The following SLC6A2 variants were observed in gnomAD, a reference collection of about 807,000 sequenced individuals.
The protein encoded by SLC6A2 is sodium-dependent noradrenaline transporter.
A neutral mutation model predicts 71.7 loss-of-function variants in SLC6A2; 26 were observed. The ratio of observed to expected loss-of-function variants is 0.36; its 90% CI spans 0.27 to 0.50. The LOEUF is 0.50. Among genes scored for constraint, SLC6A2 ranks in the 20% least tolerant of loss-of-function variants. The pLI is 0.96. For missense variants in SLC6A2, 581 were observed against 803.9 expected (o/e 0.72, Z 3.35); for synonymous variants, 363 against 337.9 (o/e 1.07, Z -0.82).
chr16:55,666,318 C>T (rs1010391013), intron 2 of SLC6A2, among the ~76,000 whole-genome samples: 4 of 152,194 alleles, frequency 2.6e-5, no homozygotes, highest in African/African-American at 7.2e-5. Context: ...CAACCAGCCT[C>T]GGTTTCCAGA....
At chr16:55,697,858 C>A in intron 9 of SLC6A2, 39 bp from the exon 10 acceptor site, 2 of 1,612,430 alleles carry the variant, frequency 1.2e-6, no homozygotes, top group Non-Finnish European at 1.7e-6. Flanking sequence ...TCCAGGGAGA[C>A]CCTAATTCCT....
At chr16:55,681,552 A>C (rs532438733) in intron 4 of SLC6A2, among the ~76,000 whole-genome samples, 1 of 152,254 alleles carries the variant, frequency 6.6e-6, no homozygotes, top group African/African-American at 2.4e-5. Flanking sequence ...TTCAAATAAC[A>C]TACATCTATT....
In SLC6A2 at chr16:55,675,558, G is replaced by T. The variant is rs927664158; in HGVS notation, c.644+3383G>T. 5.3e-5 allele frequency among the ~76,000 whole-genome samples: 8 copies of T among 152,194 alleles called. No individual in the cohort carries two copies. The South Asian group carries it at 1.7e-3, about 32-fold the overall frequency. On this transcript the variant is annotated intron_variant, in intron 4 of 14. Transcript: ENST00000568943. ...GGGGGCCGTGGTGTGCTGATTCCTGGCCTAGTGCAAGATTTCCCAATAAAA... is the reference window on the plus strand; with the variant it reads ...GGGGGCCGTGGTGTGCTGATTCCTGTCCTAGTGCAAGATTTCCCAATAAAA...
rs760412101 is a variant in SLC6A2 at position 55,685,209 on chromosome 16, C to T, written c.711C>T (p.Leu237=). Residue 237 remains leucine, a synonymous_variant, in exon 5 of 15, where the codon CTC becomes CTT. Coordinates refer to ENST00000568943, the MANE Select transcript of SLC6A2 (RefSeq NM_001172501.3). ...ACATCGGCCTGCCCCAGTGGCAGCT[C>T]TTGCTCTGTCTGATGGTCGTCGTCA... The part of the protein sequence containing the change: ...IHDIGLPQWQ[L]LLCLMVVVIV... 1.9e-6 allele frequency: 3 copies of T among 1,614,180 alleles called. No homozygotes were observed. Among genetic ancestry groups the T allele is most frequent in the Admixed American group, 3.3e-5 (2 of 60,028 alleles).
chr16:55,696,455 C>T, intron 9 of SLC6A2, 118 bp downstream of exon 9: 2 of 740,532 alleles, frequency 2.7e-6, no homozygotes, highest in Non-Finnish European at 5.0e-6. Flanking sequence ...ACAGTTGTTT[C>T]CAGAAGGCCC....
intron 12 of SLC6A2, among the ~76,000 whole-genome samples, chr16:55,699,864 G>A (rs1965915809): frequency 6.6e-6 from 1 of 152,080 alleles, no homozygotes. Flanking sequence ...CCAGGTCCCC[G>A]GGGGCTGTTA....
chr16:55,680,136 T>C (rs557922003), intron 4 of SLC6A2, among the ~76,000 whole-genome samples: 1 of 152,282 alleles, frequency 6.6e-6, no homozygotes, highest in East Asian at 1.9e-4. Context: ...TCTGAGGCTT[T>C]GGAGGCAGGA....
At chr16:55,698,623 T>A in intron 11 of SLC6A2, 55 bp downstream of exon 11, 1 of 1,254,242 alleles carries the variant, frequency 8.0e-7, no homozygotes, top group South Asian at 1.2e-5. Context: ...ATCCTGCACC[T>A]GGAGGTGTGC....
At position 55,677,566 on chromosome 16, in the gene SLC6A2, C is replaced by T. The variant is rs115606281; in HGVS notation, c.644+5391C>T. Among the ~76,000 whole-genome samples, 1,453 of 152,230 alleles carry T rather than the reference C, an allele frequency of 9.5e-3. 24 individuals are homozygous for T. Among genetic ancestry groups the T allele is most frequent in the African/African-American group, 0.033 (1,384 of 41,544 alleles). ...TACTTACTTTAATTACAGCCCTAAG[C>T]TTCCTCCAGGCTCAGCTATAAGGAG... On this transcript the variant is annotated intron_variant, in intron 4 of 14. Coordinates refer to ENST00000568943, the MANE Select transcript of SLC6A2 (RefSeq NM_001172501.3).
Position 55,695,284 on chromosome 16 carries a change from C to G in SLC6A2, c.1029C>G (p.Ala343=), listed in dbSNP as rs753580419. 6.2e-7 allele frequency: 1 copy of G among 1,614,128 alleles called. No homozygotes were observed. The highest frequency in any genetic ancestry group is 8.5e-7 in the Non-Finnish European group (1 of 1,180,010). Residue 343 remains alanine, a synonymous_variant, in exon 8 of 15, where the codon GCC becomes GCG. Transcript: ENST00000568943. ...ACTGTGCTTCTTCCCCCAGGGATGCCCTGCTGACCAGCAGCATCAACTGTA... is the reference window on the plus strand; with the variant it reads ...ACTGTGCTTCTTCCCCCAGGGATGCGCTGCTGACCAGCAGCATCAACTGTA... ...NKFDNNCYRD[A]LLTSSINCIT...
intron 4 of SLC6A2, among the ~76,000 whole-genome samples, chr16:55,676,332 T>C (rs1965086422): frequency 1.3e-5 from 2 of 152,172 alleles, no homozygotes; most frequent in Admixed American, 6.5e-5. Context: ...CTTCCTCCTA[T>C]GTATTATTTT....
chr16:55,694,733 C>T (rs1179675805), intron 7 of SLC6A2, among the ~76,000 whole-genome samples: 1 of 152,108 alleles, frequency 6.6e-6, no homozygotes, highest in African/African-American at 2.4e-5. Flanking sequence ...TGATCAGCCC[C>T]CTGATAGAAG....
At chr16:55,675,552 T>C (rs1175255701) in intron 4 of SLC6A2, among the ~76,000 whole-genome samples, 4 of 152,188 alleles carry the variant, frequency 2.6e-5, no homozygotes, top group Non-Finnish European at 5.9e-5. Context: ...GGTGTGCTGA[T>C]TCCTGGCCTA....
intron 7 of SLC6A2, 130 bp downstream of exon 7, chr16:55,694,243 C>T (rs1965725816): frequency 2.8e-6 from 2 of 725,448 alleles, no homozygotes; most frequent in South Asian, 1.5e-5. Flanking sequence ...GTGAACCATC[C>T]TGGGCATTCT....
Position 55,705,398 on chromosome 16 carries a change from T to A in SLC6A2, c.*3052T>A. Reference sequence around the variant, plus strand: ...GACTGAAGCATTCTTACCAAAGAAATCATTTCCTAGTAAAGAAGCCCATTG... The same window carrying A: ...GACTGAAGCATTCTTACCAAAGAAAACATTTCCTAGTAAAGAAGCCCATTG... On this transcript the variant is annotated 3_prime_UTR_variant, in exon 15 of 15. Coordinates refer to ENST00000568943, the MANE Select transcript of SLC6A2 (RefSeq NM_001172501.3). 1 of 649,686 alleles carries A rather than the reference T, an allele frequency of 1.5e-6. No individual in the cohort carries two copies. The highest frequency in any genetic ancestry group is 1.8e-5 in the African/African-American group (1 of 54,934). The allele number at this position is 649,686 out of a possible 1,614,324, so 40.2% of individuals were successfully genotyped here.
chr16:55,691,869 G>A lies in SLC6A2; in HGVS notation c.784-49G>A, dbSNP rs41280874. On this transcript the variant is annotated intron_variant, in intron 5 of 14. Transcript: ENST00000568943. ...GCTCTGTGCCCCACCAGCCCGCCAC[G>A]GGATTGGGGCCAGAGCGAGGCTCTC... is the stretch of plus-strand genomic sequence containing the variant. The A allele has an allele frequency of 2.4e-4, 384 of 1,611,084 alleles. 1 individual carries two copies. The highest frequency in any genetic ancestry group is 5.2e-4 in the Admixed American group (31 of 59,994).
At chr16:55,683,633 CAAACG>C (rs1352633489) in intron 4 of SLC6A2, among the ~76,000 whole-genome samples, 1 of 144,998 alleles carries the variant, frequency 6.9e-6, no homozygotes, top group Admixed American at 7.0e-5. Flanking sequence ...AACAAACAAA[CAAACG>C]AAACAAAACA....
intron 4 of SLC6A2, among the ~76,000 whole-genome samples, chr16:55,676,108 A>T (rs1387973416): frequency 6.6e-6 from 1 of 152,176 alleles, no homozygotes; most frequent in East Asian, 1.9e-4. Context: ...ATTCCCATGG[A>T]CTTCTAACAG....
rs41280884 is a variant in SLC6A2, at chr16:55,703,197, T to C, written c.*851T>C. The C allele has an allele frequency of 2.0e-6, 2 of 985,272 alleles. No homozygotes were observed. The highest frequency in any genetic ancestry group is 2.4e-6 in the Non-Finnish European group (2 of 830,008). 61.0% of individuals were successfully genotyped at this position (985,272 alleles called of 1,614,324 possible). A position where few individuals can be genotyped will look rare whatever the true frequency, so the allele number is the denominator to read the frequency against. On this transcript the variant is annotated 3_prime_UTR_variant, in exon 15 of 15. Coordinates refer to ENST00000568943, the MANE Select transcript of SLC6A2 (RefSeq NM_001172501.3). Reference sequence around the variant, plus strand: ...GTAAGACACGGAGCCCAGAAACCCATCTGCACTTCCTGAGACCTGCCTGGG... The same window carrying C: ...GTAAGACACGGAGCCCAGAAACCCACCTGCACTTCCTGAGACCTGCCTGGG...
Sources: allele counts gnomAD v4.1 joint callset (sites outside exome capture counted in the v4.1 genomes callset), GRCh38; gene constraint gnomAD v4.1.1; transcripts MANE v1.5; gene names NCBI Gene and HGNC (gene_info 2026-07-23, HGNC 2026-07-21).